The following SAMSN1 variants were observed in gnomAD, a reference collection of about 807,000 sequenced individuals.
SAMSN1 encodes the protein SAM domain-containing protein SAMSN-1.
SAMSN1 carries 31 observed loss-of-function variants against 42.0 expected under a neutral mutation model. The ratio of observed to expected loss-of-function variants is 0.74; its 90% CI spans 0.55 to 1.00. The LOEUF (loss-of-function observed/expected upper bound fraction) is 1.00, where lower values mean the gene tolerates loss of function less well. SAMSN1 is among the 50% of genes least tolerant of loss of function. The pLI is 0.00. For synonymous variants in SAMSN1, 178 were observed against 151.9 expected (o/e 1.17, Z -1.26); for missense variants, 464 against 439.4 (o/e 1.06, Z -0.50).
At chr21:14,609,436 T>G in intron 5 of SAMSN1, 1 of 716,782 alleles carries the variant, frequency 1.4e-6, no homozygotes. Context: ...CCCTTTAAAC[T>G]ACTTTGGGAA....
intron 2 of SAMSN1, among the ~76,000 whole-genome samples, chr21:14,635,937 T>C (rs1983456740): frequency 6.6e-6 from 1 of 152,046 alleles, no homozygotes; most frequent in Non-Finnish European, 1.5e-5. Flanking sequence ...ATTTGGTATT[T>C]CTCCTAATGC....
intron 2 of SAMSN1, among the ~76,000 whole-genome samples, chr21:14,630,460 C>A (rs1385554666): frequency 1.3e-5 from 2 of 150,352 alleles, no homozygotes; most frequent in South Asian, 2.1e-4. Context: ...CTCCTGTAAG[C>A]CTAGGAAATA....
At chr21:14,646,133 TAG>T (rs1366013169) in intron 1 of SAMSN1, among the ~76,000 whole-genome samples, 1 of 151,994 alleles carries the variant, frequency 6.6e-6, no homozygotes, top group Non-Finnish European at 1.5e-5. Context: ...TTCCCAAACC[TAG>T]AGAAAGATAT....
At chr21:14,656,829 T>A (rs1977015) in intron 1 of SAMSN1, among the ~76,000 whole-genome samples, 8 of 151,518 alleles carry the variant, frequency 5.3e-5, no homozygotes, top group Non-Finnish European at 1.0e-4. Context: ...TCATTCTTTC[T>A]TTAGCAGTGA....
upstream of SAMSN1, chr21:14,583,740 C>T (rs915826408): frequency 5.6e-6 from 4 of 717,680 alleles, no homozygotes; most frequent in Non-Finnish European, 5.2e-6. Context: ...TTTAATGTCC[C>T]CATTGATTCC....
intron 1 of SAMSN1, among the ~76,000 whole-genome samples, chr21:14,536,291 C>A (rs978197406): frequency 6.6e-6 from 1 of 152,016 alleles, no homozygotes; most frequent in Admixed American, 6.6e-5. Context: ...CAAAGCAAGG[C>A]AAAGAAAGAC....
chr21:14,658,903 C>T (rs889238714), upstream of SAMSN1: 1 of 645,256 alleles, frequency 1.5e-6, no homozygotes, highest in African/African-American at 1.8e-5. Context: ...CTGCCATAAT[C>T]CAGGGGATTC....
chr21:14,544,022 G>A (rs1046280736), intron 1 of SAMSN1, among the ~76,000 whole-genome samples: 1 of 152,118 alleles, frequency 6.6e-6, no homozygotes, highest in Non-Finnish European at 1.5e-5. Context: ...CCTTTTATTT[G>A]TAGGGATTAT....
chr21:14,604,112 TAC>T lies in SAMSN1; in HGVS notation c.323-2015_323-2014del, dbSNP rs1395926768. On this transcript the variant is annotated intron_variant, in intron 5 of 15. Transcript: ENST00000647101. Reference sequence around the variant, plus strand: ...CACTTAAACCTTTGGTGTCTGGTCTTACACGTTTTTGTTTATTTATGATTCCC... The same window carrying T: ...CACTTAAACCTTTGGTGTCTGGTCTTACGTTTTTGTTTATTTATGATTCCC... Among the ~76,000 whole-genome samples, 3 of 152,330 alleles carry T rather than the reference TAC, an allele frequency of 2.0e-5. No individual in the cohort carries two copies. The East Asian group carries it at 5.8e-4, about 29-fold the overall frequency.
chr21:14,523,040 C>G (rs934801251), intron 1 of SAMSN1, among the ~76,000 whole-genome samples: 1 of 152,264 alleles, frequency 6.6e-6, no homozygotes, highest in African/African-American at 2.4e-5. Context: ...GACAGTGACC[C>G]TGGTCAGGAA....
At chr21:14,495,028 A>G (rs1211780560) in intron 7 of SAMSN1, among the ~76,000 whole-genome samples, 4 of 152,226 alleles carry the variant, frequency 2.6e-5, no homozygotes, top group African/African-American at 7.2e-5. Context: ...ACACCAAACT[A>G]GAAATTTATT....
intron 2 of SAMSN1, among the ~76,000 whole-genome samples, chr21:14,634,343 C>T (rs1258243387): frequency 6.6e-6 from 1 of 151,972 alleles, no homozygotes; most frequent in Non-Finnish European, 1.5e-5. Context: ...AGAGCTTCTG[C>T]ACAGAAAAAG....
At chr21:14,516,328 A>G (rs1368344741) in intron 3 of SAMSN1, among the ~76,000 whole-genome samples, 1 of 152,356 alleles carries the variant, frequency 6.6e-6, no homozygotes, top group Non-Finnish European at 1.5e-5. Flanking sequence ...GATACTTGCT[A>G]CTAAATTAAT....
rs548064277 is a variant in SAMSN1, at chr21:14,578,307, TGCATTAAATCCATCA to T, written c.261+3814_261+3828del. ...CACACTCTGCCGGCAATGTCGGAGC[TGCATTAAATCCATCA>T]GCACCCACCTTGAGAGTGGGAGGCT... On this transcript the variant is annotated intron_variant, in intron 2 of 8. Coordinates refer to the SAMSN1 transcript ENST00000285670. 3.0e-4 allele frequency among the ~76,000 whole-genome samples: 46 copies of T among 152,258 alleles called. 1 individual carries two copies. In the South Asian group the frequency reaches 8.7e-3, roughly 29 times the overall value.
intron 1 of SAMSN1, among the ~76,000 whole-genome samples, chr21:14,521,757 A>T (rs139779328): frequency 1.3e-5 from 2 of 152,174 alleles, no homozygotes; most frequent in Non-Finnish European, 2.9e-5. Flanking sequence ...TAGCTAATGC[A>T]TGATGGGCTT....
chr21:14,609,944 T>C (rs980324922), intron 4 of SAMSN1, among the ~76,000 whole-genome samples: 1 of 152,210 alleles, frequency 6.6e-6, no homozygotes, highest in Non-Finnish European at 1.5e-5. Context: ...TTTACTTTAA[T>C]CTCTTAATCC....
At chr21:14,506,709 C>G (rs1008900274) in intron 5 of SAMSN1, among the ~76,000 whole-genome samples, 1 of 152,124 alleles carries the variant, frequency 6.6e-6, no homozygotes, top group Non-Finnish European at 1.5e-5. Context: ...CAGTATCACC[C>G]TAATACCAAA....
At chr21:14,605,069 T>C (rs1982531037) in intron 5 of SAMSN1, among the ~76,000 whole-genome samples, 1 of 152,210 alleles carries the variant, frequency 6.6e-6, no homozygotes, top group Non-Finnish European at 1.5e-5. Flanking sequence ...GCATAAAAAT[T>C]GAGATTACAA....
intron 1 of SAMSN1, chr21:14,658,598 T>A (rs1052514727): frequency 6.2e-5 from 36 of 579,028 alleles, no homozygotes; most frequent in Admixed American, 9.3e-5. Context: ...GAAAGCATCC[T>A]TTCTCACTGT....
Sources: gnomAD v4.1 joint callset for allele counts (sites outside exome capture counted in the v4.1 genomes callset) on GRCh38, gnomAD v4.1.1 for gene constraint, MANE v1.5 for transcripts, NCBI Gene and HGNC (gene_info 2026-07-23, HGNC 2026-07-21) for gene names.